The following ZNF568 variants were observed in gnomAD, a reference collection of about 807,000 sequenced individuals.
ZNF568 encodes zinc finger protein 568, also known as p53 inhibitor of SCO2 activation.
ZNF568 carries 11 observed loss-of-function variants against 18.1 expected under a neutral mutation model. The ratio of observed to expected loss-of-function variants is 0.61; its 90% confidence interval spans 0.38 to 1.00. The LOEUF (loss-of-function observed/expected upper bound fraction) is 1.00, where lower values mean the gene tolerates loss of function less well. Among genes scored for constraint, ZNF568 ranks in the 50% least tolerant of loss-of-function variants. The probability of loss-of-function intolerance (pLI) is 0.01; values close to 1 mark genes in which losing one functional copy is unlikely to be tolerated. For missense variants in ZNF568, 639 were observed against 768.2 expected (o/e 0.83, Z 1.99); for synonymous variants, 213 against 246.6 (o/e 0.86, Z 1.28).
chr19:36,978,982 C>CTTTTTTT, intron 7 of ZNF568: 3 of 261,316 alleles, frequency 1.1e-5, no homozygotes, highest in South Asian at 3.1e-5. Flanking sequence ...TTGTAACTAT[C>CTTTTTTT]TTTTTTTTTT....
At chr19:36,954,611 C>T (rs1422441075), downstream of ZNF568, among the ~76,000 whole-genome samples, 1 of 151,764 alleles carries the variant, frequency 6.6e-6, no homozygotes, top group Admixed American at 6.6e-5. Flanking sequence ...GCTCTGTCAC[C>T]CAGGCTGCAG....
At chr19:36,942,455 C>T (rs2073896561) in intron 6 of ZNF568, among the ~76,000 whole-genome samples, 1 of 151,428 alleles carries the variant, frequency 6.6e-6, no homozygotes, top group South Asian at 2.1e-4. Flanking sequence ...AAAAACTAGC[C>T]AGGCGTGGTG....
intron 6 of ZNF568, among the ~76,000 whole-genome samples, chr19:36,959,550 CTCTTT>C (rs1353973317): frequency 1.3e-5 from 2 of 152,022 alleles, no homozygotes; most frequent in Admixed American, 6.6e-5. Flanking sequence ...GAATTCTCTC[CTCTTT>C]TATTTTTTGA....
downstream of ZNF568, among the ~76,000 whole-genome samples, chr19:36,957,667 T>G (rs570981948): frequency 6.6e-6 from 1 of 152,134 alleles, no homozygotes; most frequent in African/African-American, 2.4e-5. Context: ...GATGGAGGAC[T>G]TGAGAAACAA....
chr19:36,997,806 C>A, downstream of ZNF568: 1 of 566,902 alleles, frequency 1.8e-6, no homozygotes, highest in South Asian at 2.3e-5. Flanking sequence ...AAGTGTGAGA[C>A]ACCTTATAAA....
chr19:36,968,083 A>G (rs1436585157), intron 6 of ZNF568, among the ~76,000 whole-genome samples: 1 of 152,198 alleles, frequency 6.6e-6, no homozygotes, highest in Admixed American at 6.5e-5. Flanking sequence ...AGCATATAAC[A>G]TGGATCAGTT....
At chr19:36,978,003 T>C (rs900176060) in intron 7 of ZNF568, among the ~76,000 whole-genome samples, 1 of 152,240 alleles carries the variant, frequency 6.6e-6, no homozygotes, top group Non-Finnish European at 1.5e-5. Context: ...TTTCTTTTCC[T>C]GTTCTGTGAG....
intron 4 of ZNF568, among the ~76,000 whole-genome samples, chr19:36,993,789 T>C (rs1370165643): frequency 6.6e-6 from 1 of 152,100 alleles, no homozygotes; most frequent in Non-Finnish European, 1.5e-5. Flanking sequence ...ACTTCTCTCT[T>C]TTTTTGTTGG....
intron 6 of ZNF568, among the ~76,000 whole-genome samples, chr19:36,945,759 G>GTA (rs1348172053): frequency 2.8e-5 from 4 of 144,416 alleles, no homozygotes; most frequent in African/African-American, 1.1e-4. Context: ...GTGTGTGTGT[G>GTA]TGTATGTATG....
At chr19:36,966,483 G>C (rs2074196145) in intron 6 of ZNF568, among the ~76,000 whole-genome samples, 2 of 152,164 alleles carry the variant, frequency 1.3e-5, no homozygotes. Context: ...AGGAGCTCAA[G>C]TTTTGTATAA....
chr19:36,964,679 T>A (rs1316161066), intron 6 of ZNF568, among the ~76,000 whole-genome samples: 1 of 152,024 alleles, frequency 6.6e-6, no homozygotes, highest in Non-Finnish European at 1.5e-5. Context: ...TGGCGGACGG[T>A]GTGACACACA....
At chr19:36,970,405 C>T (rs1340234564) in intron 6 of ZNF568, among the ~76,000 whole-genome samples, 1 of 149,876 alleles carries the variant, frequency 6.7e-6, no homozygotes, top group Non-Finnish European at 1.5e-5. Context: ...GAGTGCAGTG[C>T]CCCAATCTTG....
intron 6 of ZNF568, among the ~76,000 whole-genome samples, chr19:36,962,272 G>A (rs2074157634): frequency 1.3e-5 from 1 of 77,252 alleles, no homozygotes; most frequent in Non-Finnish European, 2.5e-5. Flanking sequence ...GGTAAGTGTT[G>A]CAGTGTTTTT....
intron 6 of ZNF568, among the ~76,000 whole-genome samples, chr19:36,971,269 T>C (rs929492423): frequency 2.0e-5 from 3 of 151,504 alleles, no homozygotes; most frequent in Admixed American, 2.0e-4. Flanking sequence ...TTTATGTTTT[T>C]TTTTTCGCAT....
chr19:36,960,314 C>T (rs1000056648), intron 6 of ZNF568, among the ~76,000 whole-genome samples: 1 of 151,610 alleles, frequency 6.6e-6, no homozygotes, highest in African/African-American at 2.4e-5. Context: ...AATCGGGTTT[C>T]ACCATGTTGG....
Position 36,970,235 on chromosome 19 carries a change from A to G in ZNF568, c.359-4185A>G, listed in dbSNP as rs1400828431. ...TTTTTCCCAATCCTTTGACATAACTATATAAATTTTATACATTATTGAAAT... is the reference window on the plus strand; with the variant it reads ...TTTTTCCCAATCCTTTGACATAACTGTATAAATTTTATACATTATTGAAAT... On this transcript the variant is annotated intron_variant, in intron 6 of 7. Coordinates refer to the ZNF568 transcript ENST00000427117. 1.6e-5 allele frequency among the ~76,000 whole-genome samples: 2 copies of G among 127,110 alleles called. 1 individual carries two copies. Among genetic ancestry groups the G allele is most frequent in the Non-Finnish European group, 3.4e-5 (2 of 58,166 alleles). 83.4% of individuals were successfully genotyped at this position (127,110 alleles called of 152,430 possible).
chr19:36,945,008 T>C (rs570422034), intron 6 of ZNF568, among the ~76,000 whole-genome samples: 1 of 152,250 alleles, frequency 6.6e-6, no homozygotes, highest in East Asian at 1.9e-4. Flanking sequence ...TAGGGATTGC[T>C]TTGGCTTTTT....
intron 6 of ZNF568, among the ~76,000 whole-genome samples, chr19:36,959,004 A>G (rs2074128952): frequency 6.6e-6 from 1 of 152,104 alleles, no homozygotes; most frequent in Admixed American, 6.6e-5. Context: ...TCCAATTTGG[A>G]TACCTTTTAT....
At chr19:36,935,497 T>G in intron 4 of ZNF568, among the ~76,000 whole-genome samples, 1 of 150,922 alleles carries the variant, frequency 6.6e-6, no homozygotes, top group Admixed American at 6.6e-5. Context: ...GCGGCAGAGG[T>G]TGCAGTGAGC....
Sources: allele counts gnomAD v4.1 joint callset (sites outside exome capture counted in the v4.1 genomes callset), GRCh38; gene constraint gnomAD v4.1.1; transcripts MANE v1.5; gene names NCBI Gene and HGNC (gene_info 2026-07-23, HGNC 2026-07-21).